NCAM2: variants seen among roughly 807,000 people sequenced by gnomAD.
NCAM2 encodes the protein N-CAM-2.
NCAM2 carries 30 observed loss-of-function variants against 98.1 expected under a neutral mutation model. The ratio of observed to expected loss-of-function variants is 0.31; its 90% confidence interval spans 0.23 to 0.41. The LOEUF (loss-of-function observed/expected upper bound fraction) is 0.41. Ranked by LOEUF, NCAM2 falls within the 10% of genes least tolerant of loss-of-function variation. The probability of loss-of-function intolerance (pLI) is 1.00; values close to 1 mark genes in which losing one functional copy is unlikely to be tolerated. For missense variants in NCAM2, 867 were observed against 1,005.8 expected (o/e 0.86, Z 1.87); for synonymous variants, 368 against 342.4 (o/e 1.07, Z -0.83).
At chr21:21,439,122 C>CTTTT (rs34655565) in intron 12 of NCAM2, among the ~76,000 whole-genome samples, 2 of 145,638 alleles carry the variant, frequency 1.4e-5, no homozygotes, top group African/African-American at 5.1e-5. Flanking sequence ...TAAGTACTTC[C>CTTTT]TTTTTTTTTT....
intron 12 of NCAM2, among the ~76,000 whole-genome samples, chr21:21,446,182 C>T (rs899690469): frequency 3.9e-5 from 6 of 152,188 alleles, no homozygotes; most frequent in Admixed American, 6.6e-5. Flanking sequence ...TGGCTTGTAG[C>T]GTTTCTGCTG....
intron 1 of NCAM2, among the ~76,000 whole-genome samples, chr21:21,265,478 T>TTATATATACACATATATTATATATGTGTA (rs2072224320): frequency 1.4e-5 from 2 of 138,894 alleles, no homozygotes; most frequent in Non-Finnish European, 3.1e-5. Flanking sequence ...TGTATATATA[T>TTATATATACACATATATTATATATGTGTA]TATATATACA....
intron 1 of NCAM2, among the ~76,000 whole-genome samples, chr21:21,007,646 G>A (rs1004464787): frequency 6.6e-6 from 1 of 152,120 alleles, no homozygotes; most frequent in Admixed American, 6.5e-5. Context: ...GCTGGTGGGA[G>A]TGTCTTTTAG....
In NCAM2 at chr21:21,349,945, G is replaced by T. The variant is rs2075290545; in HGVS notation, c.1044+11411G>T. 3.9e-5 allele frequency among the ~76,000 whole-genome samples: 6 copies of T among 152,142 alleles called. No homozygotes were observed. The South Asian group carries it at 1.2e-3, about 32-fold the overall frequency. ...TGGGAAGTATAGTGAGGTGGGGCGT[G>T]GTAAGGATGGTTAATTGGTAAAAGA... On this transcript the variant is annotated intron_variant, in intron 8 of 17. Coordinates refer to ENST00000400546, the MANE Select transcript of NCAM2 (RefSeq NM_004540.5).
At chr21:21,043,412 A>G (rs1477490742) in intron 1 of NCAM2, among the ~76,000 whole-genome samples, 4 of 152,154 alleles carry the variant, frequency 2.6e-5, no homozygotes, top group African/African-American at 9.7e-5. Flanking sequence ...TATAAATTGG[A>G]TAGCCGCACA....
chr21:21,351,573 C>A lies in NCAM2; in HGVS notation c.1044+13039C>A, dbSNP rs529880501. On this transcript the variant is annotated intron_variant, in intron 8 of 17. Coordinates refer to ENST00000400546, the MANE Select transcript of NCAM2 (RefSeq NM_004540.5). ...AGCAATATATTGTTTTTATTAAAAA[C>A]TTTTCTTTATTAAATTAAACCATGC... Among the ~76,000 whole-genome samples, 89 of 152,170 alleles carry A rather than the reference C, an allele frequency of 5.8e-4. 1 individual carries two copies. The highest frequency in any genetic ancestry group is 2.1e-3 in the African/African-American group (87 of 41,540).
intron 12 of NCAM2, among the ~76,000 whole-genome samples, chr21:21,451,295 C>T (rs1202190994): frequency 6.6e-6 from 1 of 152,046 alleles, no homozygotes; most frequent in Non-Finnish European, 1.5e-5. Flanking sequence ...TCAACATGTC[C>T]AGGTCAAATC....
intron 1 of NCAM2, among the ~76,000 whole-genome samples, chr21:21,149,760 C>T (rs2146699520): frequency 6.6e-6 from 1 of 152,208 alleles, no homozygotes; most frequent in South Asian, 2.1e-4. Context: ...TTTTTTATGG[C>T]TGCATAGTAT....
chr21:21,541,645 A>G lies in NCAM2; in HGVS notation c.*3688A>G, dbSNP rs928696271. The G allele has an allele frequency of 1.3e-5, 2 of 151,728 alleles. No homozygotes were observed. Among genetic ancestry groups the G allele is most frequent in the South Asian group, 2.1e-4 (1 of 4,814 alleles). The allele number at this position is 151,728 out of a possible 1,614,324, so 9.4% of individuals were successfully genotyped here. On this transcript the variant is annotated 3_prime_UTR_variant, in exon 18 of 18. Coordinates refer to ENST00000400546, the MANE Select transcript of NCAM2 (RefSeq NM_004540.5). The stretch of plus-strand genomic sequence containing the variant: ...TATTTCGAATAATAAATCAACCTTT[A>G]TTTTTGGCAATAAGATTATCACTGA...
Position 21,048,316 on chromosome 21 carries a change from G to A in NCAM2, c.55+49698G>A, listed in dbSNP as rs560582159. Among the ~76,000 whole-genome samples, 106 of 152,032 alleles carry A rather than the reference G, an allele frequency of 7.0e-4. 2 individuals are homozygous for A. Among genetic ancestry groups the A allele is most frequent in the African/African-American group, 1.4e-3 (60 of 41,470 alleles). On this transcript the variant is annotated intron_variant, in intron 1 of 17. Transcript: ENST00000400546. ...GTTTAAATTTACCCATAGCCTGGAA[G>A]ACCCCCTTTAAGTTGTCCCCCCTTT...
At chr21:21,036,938 A>C (rs2064812606) in intron 1 of NCAM2, among the ~76,000 whole-genome samples, 1 of 152,230 alleles carries the variant, frequency 6.6e-6, no homozygotes, top group Non-Finnish European at 1.5e-5. Context: ...TTTTCTCTAC[A>C]GAAGCAAATC....
chr21:21,057,516 T>C (rs778672748), intron 1 of NCAM2, among the ~76,000 whole-genome samples: 1 of 152,226 alleles, frequency 6.6e-6, no homozygotes, highest in South Asian at 2.1e-4. Context: ...GGAGCACTTA[T>C]ATTCCACAAG....
At chr21:21,393,003 A>G (rs2076413998) in intron 9 of NCAM2, among the ~76,000 whole-genome samples, 1 of 151,996 alleles carries the variant, frequency 6.6e-6, no homozygotes, top group African/African-American at 2.4e-5. Flanking sequence ...TGGCATCTTC[A>G]TCATGAAATC....
At chr21:21,022,033 G>A (rs936006305) in intron 1 of NCAM2, among the ~76,000 whole-genome samples, 2 of 152,000 alleles carry the variant, frequency 1.3e-5, no homozygotes, top group Non-Finnish European at 2.9e-5. Flanking sequence ...AAGAAATTTG[G>A]TTTATATAAA....
At chr21:21,384,049 A>AC (rs1162815220) in intron 9 of NCAM2, among the ~76,000 whole-genome samples, 1 of 152,012 alleles carries the variant, frequency 6.6e-6, no homozygotes, top group Non-Finnish European at 1.5e-5. Flanking sequence ...CTTCATGAAA[A>AC]CTGTAATAAG....
intron 1 of NCAM2, among the ~76,000 whole-genome samples, chr21:21,150,921 C>A (rs1179983498): frequency 1.3e-5 from 2 of 151,612 alleles, no homozygotes; most frequent in Non-Finnish European, 2.9e-5. Flanking sequence ...AAATGGTTGA[C>A]AAAATTTATG....
At chr21:21,267,377 C>T (rs1417152702) in intron 1 of NCAM2, among the ~76,000 whole-genome samples, 1 of 152,042 alleles carries the variant, frequency 6.6e-6, no homozygotes, top group Non-Finnish European at 1.5e-5. Context: ...CACTGCATTT[C>T]CTATTCCTCA....
chr21:21,264,961 G>GTGTATGTGTATA (rs1568854824), intron 1 of NCAM2, among the ~76,000 whole-genome samples: 1 of 28,418 alleles, frequency 3.5e-5, no homozygotes, highest in Non-Finnish European at 6.4e-5. Context: ...ATGTGTATGT[G>GTGTATGTGTATA]TATATATACA....
chr21:21,075,318 C>G (rs1294554339), intron 1 of NCAM2, among the ~76,000 whole-genome samples: 1 of 151,872 alleles, frequency 6.6e-6, no homozygotes, highest in African/African-American at 2.4e-5. Context: ...AACATGTATC[C>G]CAGAACTTAA....
Sources: gnomAD v4.1 joint callset for allele counts (sites outside exome capture counted in the v4.1 genomes callset) on GRCh38, gnomAD v4.1.1 for gene constraint, MANE v1.5 for transcripts, NCBI Gene and HGNC (gene_info 2026-07-23, HGNC 2026-07-21) for gene names.